The following NSRP1 variants were observed in gnomAD, a reference collection of about 807,000 sequenced individuals.
NSRP1 encodes nuclear speckle splicing regulatory protein 1.
NSRP1 carries 24 observed loss-of-function variants against 54.7 expected under a neutral mutation model. The ratio of observed to expected loss-of-function variants is 0.44; its 90% CI spans 0.32 to 0.62. NSRP1 has a LOEUF of 0.62. Among genes scored for constraint, NSRP1 ranks in the 20% least tolerant of loss-of-function variants. The pLI is 0.06. For missense variants in NSRP1, 596 were observed against 651.2 expected (o/e 0.92, Z 0.92); for synonymous variants, 210 against 213.8 (o/e 0.98, Z 0.15).
chr17:30,172,726 G>A (rs1407929636), intron 3 of NSRP1, 128 bp downstream of exon 3: 1 of 616,282 alleles, frequency 1.6e-6, no homozygotes, highest in East Asian at 2.9e-5. Context: ...TGAAGAATTA[G>A]CTCCTTATTG....
At chr17:30,118,424 A>G (rs1166340925) in intron 2 of NSRP1, among the ~76,000 whole-genome samples, 1 of 152,246 alleles carries the variant, frequency 6.6e-6, no homozygotes, top group Non-Finnish European at 1.5e-5. Context: ...TTGTCATAAC[A>G]AAATTGTTGG....
At chr17:30,181,471 T>G (rs1469962810) in intron 6 of NSRP1, among the ~76,000 whole-genome samples, 1 of 149,706 alleles carries the variant, frequency 6.7e-6, no homozygotes, top group Non-Finnish European at 1.5e-5. Flanking sequence ...GGTTCAATCA[T>G]AGCTCACTGC....
At chr17:30,118,264 T>C in intron 2 of NSRP1, 91 bp downstream of exon 2, 1 of 976,728 alleles carries the variant, frequency 1.0e-6, no homozygotes, top group Non-Finnish European at 1.6e-6. Flanking sequence ...GCCTTTGTTA[T>C]TTGTCAGTAC....
chr17:30,125,575 T>C (rs2071642421), intron 2 of NSRP1, among the ~76,000 whole-genome samples: 1 of 152,188 alleles, frequency 6.6e-6, no homozygotes, highest in South Asian at 2.1e-4. Flanking sequence ...TGAGACAGAG[T>C]CTAGCTCTGT....
chr17:30,178,243 A>C (rs369873229), intron 4 of NSRP1, 44 bp downstream of exon 4: 18 of 1,573,842 alleles, frequency 1.1e-5, no homozygotes, highest in Non-Finnish European at 1.5e-5. Context: ...CTTGACCTAC[A>C]TTTTGTGTCT....
At position 30,185,293 on chromosome 17, in the gene NSRP1, T is replaced by C. The variant is rs762814855; in HGVS notation, c.1296T>C (p.Asp432=). The change falls in exon 7 of 7, where the codon GAT becomes GAC. Residue 432 remains aspartate, a synonymous_variant. Transcript: ENST00000247026. ...KVRKERYENN[D]KYRDREKREV... is the part of the protein sequence containing the mutation. ...GGAAGGAAAGATATGAAAATAATGA[T>C]AAATACAGAGATAGAGAAAAACGAG... is the stretch of plus-strand genomic sequence containing the variant. 1.2e-5 allele frequency: 20 copies of C among 1,604,406 alleles called. No homozygotes were observed. The highest frequency in any genetic ancestry group is 1.7e-5 in the Admixed American group (1 of 57,808).
chr17:30,146,448 C>CA (rs1381627159), intron 2 of NSRP1, among the ~76,000 whole-genome samples: 1 of 152,176 alleles, frequency 6.6e-6, no homozygotes, highest in Non-Finnish European at 1.5e-5. Context: ...ATGCTGGTCT[C>CA]AAACTCCTGG....
At chr17:30,178,482 C>T (rs1905198668) in intron 4 of NSRP1, among the ~76,000 whole-genome samples, 1 of 152,120 alleles carries the variant, frequency 6.6e-6, no homozygotes, top group African/African-American at 2.4e-5. Flanking sequence ...CAAATTTGTA[C>T]TGTTCCTGCC....
chr17:30,184,927 G>A lies in NSRP1; in HGVS notation c.930G>A (p.Ser310=), dbSNP rs560151378. ...TRHHTKGSRT[S]RGHEKREDQH... is the part of the protein sequence containing the mutation. Reference sequence around the variant, plus strand: ...ACCACACGAAAGGATCACGAACGTCGAGAGGACATGAGAAAAGGGAAGATC... The same window carrying A: ...ACCACACGAAAGGATCACGAACGTCAAGAGGACATGAGAAAAGGGAAGATC... Residue 310 remains serine (S), a synonymous_variant, in exon 7 of 7, where the codon TCG becomes TCA. Coordinates refer to ENST00000247026, the MANE Select transcript of NSRP1 (RefSeq NM_032141.4). 14 of 1,614,114 alleles carry A rather than the reference G, an allele frequency of 8.7e-6. No homozygotes were observed. In the East Asian group the frequency reaches 1.1e-4, roughly 13 times the overall value.
chr17:30,122,839 G>C (rs1258304520), intron 2 of NSRP1, among the ~76,000 whole-genome samples: 1 of 152,082 alleles, frequency 6.6e-6, no homozygotes, highest in East Asian at 1.9e-4. Context: ...CCATATAGAA[G>C]GTGTACAGTG....
chr17:30,151,607 T>C, intron 2 of NSRP1, among the ~76,000 whole-genome samples: 1 of 152,098 alleles, frequency 6.6e-6, no homozygotes, highest in East Asian at 1.9e-4. Flanking sequence ...TTGGTCTTAC[T>C]GTTTCTGAGT....
chr17:30,155,680 G>A (rs1018090782), intron 2 of NSRP1, among the ~76,000 whole-genome samples: 1 of 151,978 alleles, frequency 6.6e-6, no homozygotes, highest in African/African-American at 2.4e-5. Flanking sequence ...GCTGTAGCTA[G>A]GACTACAGAC....
intron 2 of NSRP1, among the ~76,000 whole-genome samples, chr17:30,137,489 A>G (rs1426771930): frequency 2.0e-5 from 3 of 152,234 alleles, no homozygotes; most frequent in Non-Finnish European, 4.4e-5. Flanking sequence ...TGTTGCATAT[A>G]GGTACTGTGC....
chr17:30,149,241 G>T (rs768252056), intron 2 of NSRP1, among the ~76,000 whole-genome samples: 1 of 151,984 alleles, frequency 6.6e-6, no homozygotes, highest in Non-Finnish European at 1.5e-5. Context: ...ATAGAGATGG[G>T]GTCTTGCTGT....
intron 2 of NSRP1, among the ~76,000 whole-genome samples, chr17:30,171,972 A>C (rs201742777): frequency 0.017 from 794 of 46,344 alleles, 1 homozygote; most frequent in East Asian, 0.07. Flanking sequence ...ACACACACAC[A>C]CTCCCTCTCT....
intron 2 of NSRP1, among the ~76,000 whole-genome samples, chr17:30,163,668 T>C (rs183323040): frequency 2.2e-3 from 310 of 142,974 alleles, no homozygotes; most frequent in African/African-American, 6.3e-3. Context: ...ATGGTGCCTA[T>C]ACTTTGACCA....
At chr17:30,155,179 A>C (rs1389494999) in intron 2 of NSRP1, among the ~76,000 whole-genome samples, 1 of 152,096 alleles carries the variant, frequency 6.6e-6, no homozygotes, top group Non-Finnish European at 1.5e-5. Flanking sequence ...TGGTACGGGC[A>C]TGTGGTGCAT....
intron 2 of NSRP1, among the ~76,000 whole-genome samples, chr17:30,152,623 T>C (rs1224695737): frequency 1.4e-4 from 22 of 152,066 alleles, no homozygotes; most frequent in Admixed American, 1.4e-3. Context: ...TTCATTCTTT[T>C]GCATATGTAT....
chr17:30,161,041 A>G (rs1330889487), intron 2 of NSRP1, among the ~76,000 whole-genome samples: 4 of 152,198 alleles, frequency 2.6e-5, no homozygotes, highest in Admixed American at 6.5e-5. Flanking sequence ...TGTTTATACA[A>G]TGGAAACACT....
Sources: allele counts gnomAD v4.1 joint callset (sites outside exome capture counted in the v4.1 genomes callset), GRCh38; gene constraint gnomAD v4.1.1; transcripts MANE v1.5; gene names NCBI Gene and HGNC (gene_info 2026-07-23, HGNC 2026-07-21).